FAM107B: variants seen among roughly 807,000 people sequenced by gnomAD.
FAM107B encodes the protein family with sequence similarity 107 member B, also known as protein FAM107B.
In FAM107B, 21 loss-of-function variants were observed where a neutral mutation model predicts 31.5. The observed-to-expected ratio is 0.67, with a 90% CI of 0.47 to 0.96. FAM107B has a LOEUF of 0.96. Among genes scored for constraint, FAM107B ranks in the 40% least tolerant of loss-of-function variants. The pLI, the probability that FAM107B is intolerant of heterozygous loss-of-function variation, is 0.00. For synonymous variants in FAM107B, 157 were observed against 141.5 expected, an observed-to-expected ratio of 1.11 and a Z score of -0.78; for missense variants, 452 against 377.1, an observed-to-expected ratio of 1.20 and a Z score of -1.64.
intron 2 of FAM107B, among the ~76,000 whole-genome samples, chr10:14,659,499 G>C (rs1854169751): frequency 6.6e-6 from 1 of 152,104 alleles, no homozygotes; most frequent in Non-Finnish European, 1.5e-5. Flanking sequence ...CTAAGGTTAA[G>C]GGAATGGAAA....
At chr10:14,557,575 T>C (rs1849811350) in intron 2 of FAM107B, among the ~76,000 whole-genome samples, 2 of 152,210 alleles carry the variant, frequency 1.3e-5, no homozygotes, top group Admixed American at 1.3e-4. Context: ...TTAAAACTGG[T>C]AATAGAAATT....
chr10:14,713,404 GTCA>G (rs1855707489), intron 1 of FAM107B, among the ~76,000 whole-genome samples: 1 of 152,218 alleles, frequency 6.6e-6, no homozygotes, highest in African/African-American at 2.4e-5. Context: ...GAGAGGGAAT[GTCA>G]TCAAGACATG....
chr10:14,773,590 A>G (rs1056049111), intron 1 of FAM107B, among the ~76,000 whole-genome samples: 7 of 152,254 alleles, frequency 4.6e-5, no homozygotes, highest in Non-Finnish European at 8.8e-5. Flanking sequence ...CAACAATTAA[A>G]ATTCACTGAT....
At chr10:14,585,805 T>G (rs937261440) in intron 2 of FAM107B, among the ~76,000 whole-genome samples, 4 of 152,168 alleles carry the variant, frequency 2.6e-5, no homozygotes, top group Admixed American at 6.5e-5. Flanking sequence ...TAACAAATAC[T>G]TCTCTGCAAC....
chr10:14,577,986 C>T (rs1851516141), intron 2 of FAM107B, among the ~76,000 whole-genome samples: 1 of 152,116 alleles, frequency 6.6e-6, no homozygotes, highest in African/African-American at 2.4e-5. Context: ...CCCAGTTCTT[C>T]CCAGTGGAAC....
At chr10:14,757,951 A>G (rs1832961875) in intron 1 of FAM107B, among the ~76,000 whole-genome samples, 1 of 152,106 alleles carries the variant, frequency 6.6e-6, no homozygotes, top group Non-Finnish European at 1.5e-5. Context: ...CTTGAAGGTA[A>G]GTTTTGAAAG....
chr10:14,773,470 G>GCT (rs1481448287), intron 1 of FAM107B, among the ~76,000 whole-genome samples: 3 of 152,204 alleles, frequency 2.0e-5, no homozygotes, highest in Non-Finnish European at 4.4e-5. Flanking sequence ...ATGGTCAAGA[G>GCT]ATATCTTTGG....
At chr10:14,721,299 T>C (rs929434953) in intron 1 of FAM107B, among the ~76,000 whole-genome samples, 6 of 152,254 alleles carry the variant, frequency 3.9e-5, no homozygotes, top group African/African-American at 1.4e-4. Flanking sequence ...AGTGCCGCTA[T>C]AAACATACGT....
intron 2 of FAM107B, chr10:14,572,501 T>TG: frequency 1.2e-5 from 8 of 658,950 alleles, no homozygotes; most frequent in South Asian, 6.8e-5. Flanking sequence ...GAGGCTGGGA[T>TG]TCATGGCATC....
intron 3 of FAM107B, among the ~76,000 whole-genome samples, chr10:14,524,015 T>C (rs963745706): frequency 6.7e-6 from 1 of 149,950 alleles, no homozygotes; most frequent in African/African-American, 2.5e-5. Context: ...CACAGGCACA[T>C]GCCACCACGC....
intron 1 of FAM107B, among the ~76,000 whole-genome samples, chr10:14,709,726 GATATT>G (rs1197673296): frequency 1.3e-5 from 2 of 152,114 alleles, no homozygotes; most frequent in Non-Finnish European, 2.9e-5. Flanking sequence ...CAGACAATGG[GATATT>G]ATTCAGTGAT....
At chr10:14,630,277 C>CA (rs1588670216) in intron 2 of FAM107B, among the ~76,000 whole-genome samples, 2 of 20,114 alleles carry the variant, frequency 9.9e-5, no homozygotes, top group East Asian at 1.2e-3. Flanking sequence ...TCTACTGATG[C>CA]TAAAAAAAAA....
chr10:14,767,321 ACCTCATATGATTCACCCACGTCAG>A lies in FAM107B; in HGVS notation c.411+6908_411+6931del, dbSNP rs560530380. Among the ~76,000 whole-genome samples, 265 of 151,554 alleles carry A rather than the reference ACCTCATATGATTCACCCACGTCAG, an allele frequency of 1.7e-3. 2 individuals are homozygous for A. In the South Asian group the frequency reaches 0.027, roughly 16 times the overall value. ...TGGCCAGGCTGGTCTCGAACTCCTGACCTCATATGATTCACCCACGTCAGCCTCCCGAAGTCCTGGGATTACAGG... is the reference window on the plus strand; with the variant it reads ...TGGCCAGGCTGGTCTCGAACTCCTGACCTCCCGAAGTCCTGGGATTACAGG... On this transcript the variant is annotated intron_variant, in intron 1 of 4. Coordinates refer to ENST00000181796, the MANE Select transcript of FAM107B (RefSeq NM_031453.4).
intron 1 of FAM107B, among the ~76,000 whole-genome samples, chr10:14,767,516 G>A (rs530963606): frequency 6.6e-6 from 1 of 152,026 alleles, no homozygotes; most frequent in African/African-American, 2.4e-5. Flanking sequence ...GGTCAACATA[G>A]AAAAATCGAT....
chr10:14,572,722 C>CA (rs1226464805), intron 2 of FAM107B, among the ~76,000 whole-genome samples: 7 of 53,352 alleles, frequency 1.3e-4, no homozygotes, highest in African/African-American at 3.4e-4. Flanking sequence ...CCCATCTCTT[C>CA]AAAAAAAAAA....
At chr10:14,596,268 G>C (rs1248402254) in intron 2 of FAM107B, among the ~76,000 whole-genome samples, 1 of 152,102 alleles carries the variant, frequency 6.6e-6, no homozygotes, top group Non-Finnish European at 1.5e-5. Context: ...CCAGCCCCCT[G>C]AACTGACTTA....
intron 1 of FAM107B, among the ~76,000 whole-genome samples, chr10:14,766,318 G>A (rs1462405981): frequency 2.6e-5 from 4 of 152,160 alleles, no homozygotes. Context: ...GACAAGGAGA[G>A]CAAAGGAAAA....
intron 1 of FAM107B, among the ~76,000 whole-genome samples, chr10:14,708,617 A>C (rs1044136103): frequency 3.3e-5 from 5 of 151,796 alleles, no homozygotes. Context: ...TGTCTAAAGA[A>C]AAAAAAAATT....
chr10:14,677,758 C>G (rs1157695542), intron 1 of FAM107B, among the ~76,000 whole-genome samples: 1 of 152,212 alleles, frequency 6.6e-6, no homozygotes, highest in East Asian at 1.9e-4. Context: ...GGACGCAGGA[C>G]TTTCAGAGCT....
Sources: gnomAD v4.1 joint callset for allele counts (sites outside exome capture counted in the v4.1 genomes callset) on GRCh38, gnomAD v4.1.1 for gene constraint, MANE v1.5 for transcripts, NCBI Gene and HGNC (gene_info 2026-07-23, HGNC 2026-07-21) for gene names.